Variants in FRMD4A observed in about 807,000 individuals in gnomAD.
The protein encoded by FRMD4A is FERM domain containing 4A, also known as FERM domain-containing protein 4A.
FRMD4A carries 29 observed loss-of-function variants against 129.1 expected under a neutral mutation model. The ratio of observed to expected loss-of-function variants is 0.22; its 90% CI spans 0.17 to 0.31. The LOEUF (loss-of-function observed/expected upper bound fraction) is 0.31. FRMD4A is among the 10% of genes least tolerant of loss of function. The pLI is 1.00. For missense variants in FRMD4A, 1,272 were observed against 1,375.8 expected (o/e 0.92, Z 1.19); for synonymous variants, 634 against 571.6 (o/e 1.11, Z -1.56).
chr10:13,889,568 T>C (rs1191557228), intron 2 of FRMD4A, among the ~76,000 whole-genome samples: 2 of 152,174 alleles, frequency 1.3e-5, no homozygotes, highest in African/African-American at 4.8e-5. Context: ...TTGATAACAA[T>C]GTCTGCAAAT....
At chr10:13,820,367 T>G (rs2093611264) in intron 3 of FRMD4A, among the ~76,000 whole-genome samples, 2 of 151,778 alleles carry the variant, frequency 1.3e-5, no homozygotes, top group African/African-American at 4.8e-5. Flanking sequence ...GTGTTCTCTC[T>G]CCACTGTCCC....
intron 2 of FRMD4A, among the ~76,000 whole-genome samples, chr10:13,917,648 C>T (rs1236994202): frequency 6.6e-6 from 1 of 152,152 alleles, no homozygotes; most frequent in African/African-American, 2.4e-5. Flanking sequence ...AGGGGGTAAA[C>T]AAACAAATCA....
chr10:13,922,779 C>A (rs1227269148), intron 2 of FRMD4A, among the ~76,000 whole-genome samples: 1 of 152,058 alleles, frequency 6.6e-6, no homozygotes, highest in Non-Finnish European at 1.5e-5. Context: ...TTTTCTCTCT[C>A]TAGGACATAG....
chr10:13,881,518 C>T, intron 2 of FRMD4A, among the ~76,000 whole-genome samples: 1 of 152,138 alleles, frequency 6.6e-6, no homozygotes, highest in East Asian at 1.9e-4. Context: ...AGCTCCCTAG[C>T]AGAGAGAAGA....
chr10:13,661,394 G>T (rs1344946481), intron 19 of FRMD4A, among the ~76,000 whole-genome samples: 1 of 152,168 alleles, frequency 6.6e-6, no homozygotes, highest in Non-Finnish European at 1.5e-5. Context: ...AAGTGTGGAG[G>T]CCCTGAGGGC....
intron 2 of FRMD4A, among the ~76,000 whole-genome samples, chr10:13,873,920 G>C (rs1564951948): frequency 6.6e-6 from 1 of 152,032 alleles, no homozygotes; most frequent in Non-Finnish European, 1.5e-5. Context: ...AAAGCAAGAA[G>C]AGCAAGGAAG....
At chr10:14,008,242 C>T in intron 2 of FRMD4A, 1 of 1,112,012 alleles carries the variant, frequency 9.0e-7, no homozygotes, top group Admixed American at 3.0e-5. Context: ...GAGCCTCCCT[C>T]AAAAATAAGT....
chr10:13,688,858 T>C (rs2085366368), intron 15 of FRMD4A, among the ~76,000 whole-genome samples: 1 of 152,072 alleles, frequency 6.6e-6, no homozygotes, highest in Non-Finnish European at 1.5e-5. Flanking sequence ...TCTGGGATTA[T>C]GGGTGTGTAA....
intron 2 of FRMD4A, among the ~76,000 whole-genome samples, chr10:14,019,802 C>A (rs909885546): frequency 5.3e-5 from 8 of 152,198 alleles, no homozygotes; most frequent in Admixed American, 3.9e-4. Context: ...GACCTAGAAC[C>A]ACAGGCCTCT....
At chr10:13,804,758 C>G (rs148008591) in intron 4 of FRMD4A, among the ~76,000 whole-genome samples, 1,738 of 146,670 alleles carry the variant, frequency 0.012, 41 homozygotes, top group African/African-American at 0.042. Flanking sequence ...TGGGGTTTCA[C>G]CATGTTGGCC....
intron 2 of FRMD4A, among the ~76,000 whole-genome samples, chr10:14,108,080 G>A (rs1269512155): frequency 6.6e-6 from 1 of 152,156 alleles, no homozygotes; most frequent in African/African-American, 2.4e-5. Context: ...CTCTGCAAGT[G>A]CCTCATTCTT....
At chr10:13,951,602 A>G (rs1315607519) in intron 2 of FRMD4A, among the ~76,000 whole-genome samples, 5 of 152,028 alleles carry the variant, frequency 3.3e-5, no homozygotes, top group Admixed American at 3.3e-4. Context: ...CACAATCTAA[A>G]ATTTTGGCTG....
At chr10:13,655,027 G>A (rs764996091) in intron 22 of FRMD4A, 1 of 158,434 alleles carries the variant, frequency 6.3e-6, no homozygotes, top group Non-Finnish European at 1.4e-5. Flanking sequence ...GCTGTTTCAG[G>A]CTTATCATTG....
intron 2 of FRMD4A, among the ~76,000 whole-genome samples, chr10:14,038,761 G>T (rs566063374): frequency 1.3e-5 from 2 of 152,282 alleles, no homozygotes; most frequent in Non-Finnish European, 2.9e-5. Context: ...AAGGTTCCCC[G>T]GTGACTTTAG....
intron 3 of FRMD4A, among the ~76,000 whole-genome samples, chr10:13,845,675 G>C (rs1041177179): frequency 1.3e-5 from 2 of 152,178 alleles, no homozygotes; most frequent in African/African-American, 4.8e-5. Flanking sequence ...AGACAGTCTT[G>C]GGGGCGCTTC....
chr10:14,167,413 T>G (rs1405582962), intron 2 of FRMD4A, among the ~76,000 whole-genome samples: 5 of 151,546 alleles, frequency 3.3e-5, no homozygotes, highest in Non-Finnish European at 5.9e-5. Flanking sequence ...ACACTTATAA[T>G]CCCAGCTATG....
intron 2 of FRMD4A, among the ~76,000 whole-genome samples, chr10:13,948,885 C>T (rs1304403271): frequency 2.6e-5 from 4 of 151,456 alleles, no homozygotes; most frequent in South Asian, 2.1e-4. Context: ...CTCTTGATGT[C>T]GTGGTCTGCC....
At chr10:13,679,995 C>A (rs935502702) in intron 15 of FRMD4A, among the ~76,000 whole-genome samples, 1 of 152,096 alleles carries the variant, frequency 6.6e-6, no homozygotes, top group African/African-American at 2.4e-5. Flanking sequence ...ATCCACTGAC[C>A]CAGCAGGTTG....
chr10:14,062,833 G>T (rs562543389), intron 2 of FRMD4A, among the ~76,000 whole-genome samples: 1 of 152,204 alleles, frequency 6.6e-6, no homozygotes, highest in Non-Finnish European at 1.5e-5. Flanking sequence ...GGAGGTTGCA[G>T]TGAGATCATG....
Sources: gnomAD v4.1 joint callset for allele counts (sites outside exome capture counted in the v4.1 genomes callset) on GRCh38, gnomAD v4.1.1 for gene constraint, MANE v1.5 for transcripts, NCBI Gene and HGNC (gene_info 2026-07-23, HGNC 2026-07-21) for gene names.